DNAH9: variants seen among roughly 807,000 people sequenced by gnomAD.
DNAH9 encodes the protein dynein axonemal heavy chain 9.
Under a neutral mutation model 471.6 loss-of-function variants are expected in DNAH9, and 345 were observed. The ratio of observed to expected loss-of-function variants is 0.73; its 90% CI spans 0.67 to 0.80. The LOEUF (loss-of-function observed/expected upper bound fraction) is 0.80. DNAH9 is among the 30% of genes least tolerant of loss of function. The probability of loss-of-function intolerance (pLI) is 0.00; values close to 1 mark genes in which losing one functional copy is unlikely to be tolerated. For synonymous variants in DNAH9, 2,093 were observed against 2,123.6 expected (o/e 0.99, Z 0.40); for missense variants, 5,407 against 5,609.2 (o/e 0.96, Z 1.15).
At chr17:11,682,483 C>T (rs115509380) in intron 19 of DNAH9, among the ~76,000 whole-genome samples, 3,626 of 150,746 alleles carry the variant, frequency 0.024, 149 homozygotes, top group African/African-American at 0.083. Context: ...ATCATTCATT[C>T]TTCAAACATT....
chr17:11,837,178 T>G (rs546930751), intron 49 of DNAH9, among the ~76,000 whole-genome samples: 1 of 152,342 alleles, frequency 6.6e-6, no homozygotes, highest in South Asian at 2.1e-4. Flanking sequence ...TTAATTTGAT[T>G]AATTGATAGA....
intron 33 of DNAH9, among the ~76,000 whole-genome samples, chr17:11,756,096 C>T (rs1967372403): frequency 6.6e-6 from 1 of 151,870 alleles, no homozygotes; most frequent in Admixed American, 6.6e-5. Context: ...GCTAACACAG[C>T]GAAACCCCGT....
At chr17:11,827,763 G>T (rs186292942) in intron 48 of DNAH9, among the ~76,000 whole-genome samples, 2 of 151,006 alleles carry the variant, frequency 1.3e-5, no homozygotes, top group Admixed American at 1.3e-4. Flanking sequence ...TCGGCTCACC[G>T]CAACCTCCGC....
At position 11,836,709 on chromosome 17, in the gene DNAH9, G is replaced by A. The variant is rs542840806; in HGVS notation, c.9507+1811G>A. Among the ~76,000 whole-genome samples, 28 of 152,268 alleles carry A rather than the reference G, an allele frequency of 1.8e-4. No individual in the cohort carries two copies. The South Asian group carries it at 1.9e-3, about 10-fold the overall frequency. The stretch of plus-strand genomic sequence containing the variant: ...TCCGTCTAAATCTTACCCAAATTGC[G>A]AAATCAACCTTACATTCCAGATCCA... On this transcript the variant is annotated intron_variant, in intron 49 of 68. Coordinates refer to ENST00000262442, the MANE Select transcript of DNAH9 (RefSeq NM_001372.4).
At chr17:11,733,894 A>C (rs1346025497) in intron 28 of DNAH9, among the ~76,000 whole-genome samples, 1 of 150,246 alleles carries the variant, frequency 6.7e-6, no homozygotes, top group Non-Finnish European at 1.5e-5. Context: ...AACCTGGGCA[A>C]ATTATCCAAA....
In DNAH9 at chr17:11,969,684, C is replaced by A; in HGVS notation, c.*157C>A. 1 of 648,208 alleles carries A rather than the reference C, an allele frequency of 1.5e-6. No individual in the cohort carries two copies. Among genetic ancestry groups the A allele is most frequent in the Non-Finnish European group, 2.6e-6 (1 of 383,628 alleles). 40.2% of individuals were successfully genotyped at this position (648,208 alleles called of 1,614,324 possible). A position where few individuals can be genotyped will look rare whatever the true frequency, so the allele number is the denominator to read the frequency against. On this transcript the variant is annotated 3_prime_UTR_variant, in exon 69 of 69. Coordinates refer to ENST00000262442, the MANE Select transcript of DNAH9 (RefSeq NM_001372.4). ...CTCTAGGGAACTTGGAGAGGTGTGC[C>A]TAAGGTGAGGCTGAGCTGAAGGAAT...
chr17:11,946,027 C>G (rs1481683208), intron 67 of DNAH9, among the ~76,000 whole-genome samples: 1 of 151,364 alleles, frequency 6.6e-6, no homozygotes, highest in Non-Finnish European at 1.5e-5. Context: ...GGTGAAACCT[C>G]ATCTCTACTA....
chr17:11,816,637 AGCTTC>A (rs1332505375), intron 45 of DNAH9, among the ~76,000 whole-genome samples: 4 of 152,190 alleles, frequency 2.6e-5, no homozygotes, highest in Non-Finnish European at 4.4e-5. Context: ...TCTAGCCCTT[AGCTTC>A]ACCCTTTTTA....
At chr17:11,749,756 A>G (rs552167238) in intron 32 of DNAH9, among the ~76,000 whole-genome samples, 1 of 152,116 alleles carries the variant, frequency 6.6e-6, no homozygotes, top group Admixed American at 6.5e-5. Flanking sequence ...CTGAATTTAA[A>G]CACCAGCTTG....
At chr17:11,925,152 T>G (rs1974278741) in intron 62 of DNAH9, 1 of 455,014 alleles carries the variant, frequency 2.2e-6, no homozygotes, top group Non-Finnish European at 4.4e-6. Flanking sequence ...CTCCACCAAA[T>G]TTTTTAGGTA....
At chr17:11,614,101 T>A (rs755212698) in intron 4 of DNAH9, among the ~76,000 whole-genome samples, 5 of 152,176 alleles carry the variant, frequency 3.3e-5, no homozygotes, top group Non-Finnish European at 7.4e-5. Flanking sequence ...GTGTCAATGA[T>A]GGAAGAAAAT....
At chr17:11,857,003 G>A (rs1311218528) in intron 50 of DNAH9, among the ~76,000 whole-genome samples, 1 of 152,018 alleles carries the variant, frequency 6.6e-6, no homozygotes, top group Non-Finnish European at 1.5e-5. Context: ...CAGACTACAG[G>A]CATGAGCCAC....
At chr17:11,768,375 T>A (rs1410832497) in intron 36 of DNAH9, 78 bp from the exon 37 acceptor site, 17 of 1,446,412 alleles carry the variant, frequency 1.2e-5, no homozygotes, top group Non-Finnish European at 1.5e-5. Context: ...CCTGACCTTC[T>A]ATCTGACGCC....
At chr17:11,913,991 G>T (rs565694009) in intron 61 of DNAH9, among the ~76,000 whole-genome samples, 46 of 152,074 alleles carry the variant, frequency 3.0e-4, no homozygotes, top group African/African-American at 1.1e-3. Context: ...TAGTTTATGG[G>T]TTAATTTTTA....
intron 66 of DNAH9, among the ~76,000 whole-genome samples, chr17:11,941,034 C>T (rs1974887578): frequency 6.6e-6 from 1 of 152,136 alleles, no homozygotes; most frequent in Non-Finnish European, 1.5e-5. Flanking sequence ...GTAGACTGCC[C>T]TTTCCAGGCG....
chr17:11,854,530 G>A (rs1357881609), intron 50 of DNAH9, 102 bp downstream of exon 50: 1 of 1,355,874 alleles, frequency 7.4e-7, no homozygotes, highest in African/African-American at 1.5e-5. Context: ...TTAAAGAGAA[G>A]CAGGAAAACC....
intron 51 of DNAH9, among the ~76,000 whole-genome samples, 193 bp from the exon 52 acceptor site, chr17:11,871,405 C>T (rs1972255636): frequency 6.6e-6 from 1 of 152,200 alleles, no homozygotes; most frequent in Non-Finnish European, 1.5e-5. Context: ...ATGCATGACA[C>T]AGAATGGGGG....
In DNAH9 at chr17:11,793,557, C is replaced by T. The variant is rs774612847; in HGVS notation, c.8116C>T (p.Leu2706Phe). 1.2e-6 allele frequency: 2 copies of T among 1,613,906 alleles called. No homozygotes were observed. Among genetic ancestry groups the T allele is most frequent in the Non-Finnish European group, 1.7e-6 (2 of 1,179,872 alleles). ...CVKSTWDLIR[L>F]YLHESNRVYR... ...GAAATCCACATGGGATCTTATAAGG[C>T]TCTATCTGCATGAATCAAATCGAGT... is the stretch of plus-strand genomic sequence containing the variant. The change falls in exon 42 of 69, where the codon CTC becomes TTC. Residue 2706 changes from leucine to phenylalanine, a missense_variant. Physicochemically the swap from Leu to Phe is conservative, Grantham distance 22. This residue lies in a region of DNAH9 where 4,636 missense variants were observed against 4,900.3 expected (regional missense o/e 0.95). Coordinates refer to ENST00000262442, the MANE Select transcript of DNAH9 (RefSeq NM_001372.4).
At chr17:11,864,179 AC>A (rs1382097206) in intron 50 of DNAH9, among the ~76,000 whole-genome samples, 1 of 145,254 alleles carries the variant, frequency 6.9e-6, no homozygotes, top group Admixed American at 7.0e-5. Flanking sequence ...ATTTCCCTCT[AC>A]ACACTGCTTT....
Sources: allele counts gnomAD v4.1 joint callset (sites outside exome capture counted in the v4.1 genomes callset), GRCh38; gene constraint gnomAD v4.1.1; regional missense constraint gnomAD v4.1.1; transcripts MANE v1.5; gene names NCBI Gene and HGNC (gene_info 2026-07-23, HGNC 2026-07-21).